The following SYDE1 variants were observed in gnomAD, a reference collection of about 807,000 sequenced individuals.
SYDE1 encodes rho GTPase-activating protein SYDE1.
Under a neutral mutation model 63.3 loss-of-function variants are expected in SYDE1, and 34 were observed. That is an observed-to-expected ratio of 0.54 (90% CI 0.41 to 0.71). The LOEUF (loss-of-function observed/expected upper bound fraction) is 0.71, where lower values mean the gene tolerates loss of function less well. Among genes scored for constraint, SYDE1 ranks in the 30% least tolerant of loss-of-function variants. The pLI is 0.00. For missense variants in SYDE1, 925 were observed against 1,042.5 expected (o/e 0.89, Z 1.55); for synonymous variants, 467 against 473.4 (o/e 0.99, Z 0.18).
intron 7 of SYDE1, 85 bp downstream of exon 7, chr19:15,112,656 G>A (rs2046353142): frequency 8.4e-7 from 1 of 1,194,236 alleles, no homozygotes; most frequent in Non-Finnish European, 1.2e-6. Context: ...CAGTGTCTTA[G>A]GCTTGAAGCT....
In SYDE1 at chr19:15,114,052, G is replaced by C; in HGVS notation, c.*89G>C. On this transcript the variant is annotated 3_prime_UTR_variant, in exon 8 of 8. Coordinates refer to ENST00000342784, the MANE Select transcript of SYDE1 (RefSeq NM_033025.6). ...CTGGTGACCAAGGAGAGCCAGACCT[G>C]TTGCTCAGGCCGAGCTCCTGGTTGC... The C allele has an allele frequency of 2.9e-6, 4 of 1,369,642 alleles. No homozygotes were observed. Among genetic ancestry groups the C allele is most frequent in the Admixed American group, 2.1e-5 (1 of 48,530 alleles). The allele number at this position is 1,369,642 out of a possible 1,614,324, so 84.8% of individuals were successfully genotyped here.
In SYDE1 at chr19:15,110,717, C is replaced by T. The variant is rs758566527; in HGVS notation, c.1272C>T (p.Ile424=). ...TCATCCAGAAGTGCGTTGGGCAGAT[C>T]GAGCGCCGAGGGCTGCGGGTGAGCA... ...PLIIQKCVGQ[I]ERRGLRVVGL... is the part of the protein sequence containing the mutation. Residue 424 remains isoleucine (I), a synonymous_variant, in exon 4 of 8, where the codon ATC becomes ATT. Coordinates refer to ENST00000342784, the MANE Select transcript of SYDE1 (RefSeq NM_033025.6). The surrounding 1 kb of genome is among the most constrained non-coding windows in gnomAD (Gnocchi z 6.9). The T allele has an allele frequency of 8.3e-6, 13 of 1,564,442 alleles. No individual in the cohort carries two copies. In the South Asian group the frequency reaches 1.4e-4, roughly 17 times the overall value.
intron 7 of SYDE1, among the ~76,000 whole-genome samples, chr19:15,113,110 G>A (rs1033681571): frequency 6.6e-6 from 1 of 152,088 alleles, no homozygotes; most frequent in African/African-American, 2.4e-5. Flanking sequence ...CACTGTGTTG[G>A]CCAGGCTGGT....
Position 15,109,942 on chromosome 19 carries a change from G to C in SYDE1, c.669G>C (p.Arg223=), listed in dbSNP as rs889821150. The C allele has an allele frequency of 4.8e-6, 7 of 1,460,950 alleles. No homozygotes were observed. Among genetic ancestry groups the C allele is most frequent in the Non-Finnish European group, 4.5e-6 (5 of 1,114,618 alleles). The allele number at this position is 1,460,950 out of a possible 1,614,324, so 90.5% of individuals were successfully genotyped here. A position where few individuals can be genotyped will look rare whatever the true frequency, so the allele number is the denominator to read the frequency against. ...PGPAAGPGGT[R]SPRAGYLSDG... ...CGGCAGCAGGGCCTGGGGGCACCCG[G>C]AGCCCGAGGGCCGGTTACCTCAGCG... The change falls in exon 3 of 8, where the codon CGG becomes CGC. Residue 223 remains arginine (R), a synonymous_variant. Transcript: ENST00000342784. This position sits in a 1 kb window ranked among gnomAD's most constrained non-coding sequence, Gnocchi z 5.0.
Position 15,110,291 on chromosome 19 carries a change from G to A in SYDE1, c.1018G>A (p.Val340Met), listed in dbSNP as rs1161415846. The A allele has an allele frequency of 2.8e-6, 4 of 1,418,478 alleles. No homozygotes were observed. Among genetic ancestry groups the A allele is most frequent in the Non-Finnish European group, 2.8e-6 (3 of 1,088,604 alleles). 87.9% of individuals were successfully genotyped at this position (1,418,478 alleles called of 1,614,324 possible). Residue 340 changes from valine to methionine, a missense_variant, in exon 3 of 8, where the codon GTG becomes ATG. By Grantham distance (21) the Val-to-Met change is conservative (BLOSUM62 1). Around this residue, in one of 3 missense-constraint regions of SYDE1, gnomAD observed 599 missense variants for 653.7 expected, o/e 0.92. Coordinates refer to ENST00000342784, the MANE Select transcript of SYDE1 (RefSeq NM_033025.6). The surrounding 1 kb of genome is among the most constrained non-coding windows in gnomAD (Gnocchi z 6.9). Reference sequence around the variant, plus strand: ...CCTGGTGCTTGCGTGGGACCCTGGCGTGAGAAGGCACCGGCCCTGTGCCCA... The same window carrying A: ...CCTGGTGCTTGCGTGGGACCCTGGCATGAGAAGGCACCGGCCCTGTGCCCA... ...RALVLAWDPG[V>M]RRHRPCAQGT... is the part of the protein sequence containing the mutation.
rs1308307059 is a variant in SYDE1, at chr19:15,110,055, C to G, written c.782C>G (p.Pro261Arg). Residue 261 changes from proline (P) to arginine (R), a missense_variant, in exon 3 of 8, where the codon CCG becomes CGG. By Grantham distance (103) the Pro-to-Arg change is moderately radical. This residue lies in a region of SYDE1 where 599 missense variants were observed against 653.7 expected (regional missense o/e 0.92). Transcript: ENST00000342784. This position sits in a 1 kb window ranked among gnomAD's most constrained non-coding sequence, Gnocchi z 6.9. The stretch of plus-strand genomic sequence containing the variant: ...GTGGGTCCCGCAGCCCGGGCACCCC[C>G]GGCCGCACTCTGGGGCCGCCTCAGC... Reference protein sequence around the residue: ...YEVGPAARAPPAALWGRLSLH... With the variant: ...YEVGPAARAPRAALWGRLSLH... 3 of 1,498,600 alleles carry G rather than the reference C, an allele frequency of 2.0e-6. No homozygotes were observed. The highest frequency in any genetic ancestry group is 5.3e-5 in the East Asian group (2 of 37,452). 92.8% of individuals were successfully genotyped at this position (1,498,600 alleles called of 1,614,324 possible).
Position 15,108,166 on chromosome 19 carries a change from AGAG to A in SYDE1, c.88+652_88+654del, listed in dbSNP as rs1375693146. Among the ~76,000 whole-genome samples the A allele has an allele frequency of 1.3e-5, 2 of 152,162 alleles. No homozygotes were observed. Among genetic ancestry groups the A allele is most frequent in the Non-Finnish European group, 2.9e-5 (2 of 68,012 alleles). On this transcript the variant is annotated intron_variant, in intron 1 of 7. Coordinates refer to ENST00000342784, the MANE Select transcript of SYDE1 (RefSeq NM_033025.6). The surrounding 1 kb of genome is among the most constrained non-coding windows in gnomAD (Gnocchi z 4.3). ...TAGAGGGTGGACATCAGAGGTGGCC[AGAG>A]GAGGAGTTCAGCAGGGTAGCAAGTA...
chr19:15,109,655 C>A lies in SYDE1; in HGVS notation c.431-49C>A. The A allele has an allele frequency of 8.4e-7, 1 of 1,193,750 alleles. No individual in the cohort carries two copies. Among genetic ancestry groups the A allele is most frequent in the Non-Finnish European group, 1.1e-6 (1 of 875,552 alleles). The allele number at this position is 1,193,750 out of a possible 1,614,324, so 73.9% of individuals were successfully genotyped here. A position where few individuals can be genotyped will look rare whatever the true frequency, so the allele number is the denominator to read the frequency against. On this transcript the variant is annotated intron_variant, in intron 2 of 7. Coordinates refer to ENST00000342784, the MANE Select transcript of SYDE1 (RefSeq NM_033025.6). This position sits in a 1 kb window ranked among gnomAD's most constrained non-coding sequence, Gnocchi z 5.0. ...TTCAGGGGAGCACCAGCCTCACCCCCCTCCCCTAAGCCCAGGTTCCTGGAC... is the reference window on the plus strand; with the variant it reads ...TTCAGGGGAGCACCAGCCTCACCCCACTCCCCTAAGCCCAGGTTCCTGGAC...
In SYDE1 at chr19:15,109,331, C is replaced by A; in HGVS notation, c.364C>A (p.Pro122Thr). Residue 122 changes from proline (P) to threonine (T), a missense_variant, in exon 2 of 8, where the codon CCT (proline) becomes ACT (threonine). Coordinates refer to ENST00000342784, the MANE Select transcript of SYDE1 (RefSeq NM_033025.6). This position sits in a 1 kb window ranked among gnomAD's most constrained non-coding sequence, Gnocchi z 5.0. The stretch of plus-strand genomic sequence containing the variant: ...CCCCATCCCTGAGGAAGACCCCAGA[C>A]CTCCAGCACCTGAGCCCCCGGGGCC... Reference protein sequence around the residue: ...YNPIPEEDPRPPAPEPPGPQP... With the variant: ...YNPIPEEDPRTPAPEPPGPQP... The A allele has an allele frequency of 1.2e-6, 2 of 1,605,886 alleles. No homozygotes were observed. The highest frequency in any genetic ancestry group is 1.7e-6 in the Non-Finnish European group (2 of 1,175,230).
At position 15,111,169 on chromosome 19, in the gene SYDE1, A is replaced by T. The variant is rs1232935954; in HGVS notation, c.1291-144A>T. ...AAGTAGTCCAAGCAGAGGGTTTACA[A>T]GGCCAGGTTGTCAAGGTAGTTCCAA... is the stretch of plus-strand genomic sequence containing the variant. On this transcript the variant is annotated intron_variant, in intron 4 of 7. Coordinates refer to ENST00000342784, the MANE Select transcript of SYDE1 (RefSeq NM_033025.6). This position sits in a 1 kb window ranked among gnomAD's most constrained non-coding sequence, Gnocchi z 5.5. 5 of 835,930 alleles carry T rather than the reference A, an allele frequency of 6.0e-6. No homozygotes were observed. The highest frequency in any genetic ancestry group is 7.5e-6 in the Non-Finnish European group (4 of 530,096). The allele number at this position is 835,930 out of a possible 1,614,324, so 51.8% of individuals were successfully genotyped here. A position where few individuals can be genotyped will look rare whatever the true frequency, so the allele number is the denominator to read the frequency against.
chr19:15,107,576 C>G lies in SYDE1; in HGVS notation c.88+55C>G, dbSNP rs905388808. 13 of 1,350,132 alleles carry G rather than the reference C, an allele frequency of 9.6e-6. No individual in the cohort carries two copies. In the Admixed American group the frequency reaches 2.6e-4, roughly 27 times the overall value. 83.6% of individuals were successfully genotyped at this position (1,350,132 alleles called of 1,614,324 possible). On this transcript the variant is annotated intron_variant, in intron 1 of 7. Coordinates refer to ENST00000342784, the MANE Select transcript of SYDE1 (RefSeq NM_033025.6). ...CGCCGAGCCCCACCCGGCCTGGGAG[C>G]GGGGTCCCAGGGCCCCGAGGACAGA...
At position 15,109,651 on chromosome 19, in the gene SYDE1, C is replaced by T; in HGVS notation, c.431-53C>T. ...TCCCTTCAGGGGAGCACCAGCCTCACCCCCCTCCCCTAAGCCCAGGTTCCT... is the reference window on the plus strand; with the variant it reads ...TCCCTTCAGGGGAGCACCAGCCTCATCCCCCTCCCCTAAGCCCAGGTTCCT... On this transcript the variant is annotated intron_variant, in intron 2 of 7. Coordinates refer to ENST00000342784, the MANE Select transcript of SYDE1 (RefSeq NM_033025.6). The surrounding 1 kb of genome is among the most constrained non-coding windows in gnomAD (Gnocchi z 5.0). The T allele has an allele frequency of 8.9e-7, 1 of 1,124,498 alleles. No homozygotes were observed. Among genetic ancestry groups the T allele is most frequent in the South Asian group, 1.6e-5 (1 of 61,396 alleles). The allele number at this position is 1,124,498 out of a possible 1,614,324, so 69.7% of individuals were successfully genotyped here.
Position 15,109,200 on chromosome 19 carries a change from C to A in SYDE1, c.233C>A (p.Pro78His). ...ARGAYLQSLE[P>H]SSRRWVLGGA... ...GGAGCCTACCTGCAAAGCCTGGAGCCCAGTAGCCGCCGATGGGTGCTGGGT... is the reference window on the plus strand; with the variant it reads ...GGAGCCTACCTGCAAAGCCTGGAGCACAGTAGCCGCCGATGGGTGCTGGGT... Residue 78 changes from proline to histidine, a missense_variant, in exon 2 of 8, where the codon CCC becomes CAC. Coordinates refer to ENST00000342784, the MANE Select transcript of SYDE1 (RefSeq NM_033025.6). This position sits in a 1 kb window ranked among gnomAD's most constrained non-coding sequence, Gnocchi z 5.0. 1 of 1,564,492 alleles carries A rather than the reference C, an allele frequency of 6.4e-7. No individual in the cohort carries two copies. The highest frequency in any genetic ancestry group is 1.4e-5 in the African/African-American group (1 of 74,018).
chr19:15,108,004 G>C lies in SYDE1; in HGVS notation c.88+483G>C, dbSNP rs984953523. Reference sequence around the variant, plus strand: ...CCGCCTCCCACCTACTAACAGTGACGGCAACTGCGCCTGCCTTAGCCCCAG... The same window carrying C: ...CCGCCTCCCACCTACTAACAGTGACCGCAACTGCGCCTGCCTTAGCCCCAG... On this transcript the variant is annotated intron_variant, in intron 1 of 7. Coordinates refer to ENST00000342784, the MANE Select transcript of SYDE1 (RefSeq NM_033025.6). The surrounding 1 kb of genome is among the most constrained non-coding windows in gnomAD (Gnocchi z 4.3). Among the ~76,000 whole-genome samples, 1 of 152,150 alleles carries C rather than the reference G, an allele frequency of 6.6e-6. No homozygotes were observed. Among genetic ancestry groups the C allele is most frequent in the South Asian group, 2.1e-4 (1 of 4,834 alleles).
In SYDE1 at chr19:15,110,407, C is replaced by T. The variant is rs2046337159; in HGVS notation, c.1075+59C>T. ...GGACCCCCAAACCCCACCGCCACCC[C>T]CCGCAGAGTGCCTAGGGGGCTGGGC... On this transcript the variant is annotated intron_variant, in intron 3 of 7. Transcript: ENST00000342784. This position sits in a 1 kb window ranked among gnomAD's most constrained non-coding sequence, Gnocchi z 6.9. The T allele has an allele frequency of 2.1e-6, 3 of 1,452,652 alleles. No homozygotes were observed. The highest frequency in any genetic ancestry group is 4.9e-5 in the Admixed American group (2 of 40,964). 90.0% of individuals were successfully genotyped at this position (1,452,652 alleles called of 1,614,324 possible). A position where few individuals can be genotyped will look rare whatever the true frequency, so the allele number is the denominator to read the frequency against.
chr19:15,111,579 C>CT lies in SYDE1; in HGVS notation c.1418-51dup. 6.2e-7 allele frequency: 1 copy of CT among 1,609,940 alleles called. No homozygotes were observed. The highest frequency in any genetic ancestry group is 8.5e-7 in the Non-Finnish European group (1 of 1,177,898). ...CCTCTTCCCCCTTAGCTGTGCCCTC[C>CT]TTAGCCTTAGAAGCCAGTGGTGCCC... On this transcript the variant is annotated intron_variant, in intron 5 of 7. Coordinates refer to ENST00000342784, the MANE Select transcript of SYDE1 (RefSeq NM_033025.6). This position sits in a 1 kb window ranked among gnomAD's most constrained non-coding sequence, Gnocchi z 5.5.
In SYDE1 at chr19:15,113,681, C is replaced by A. The variant is rs1199001929; in HGVS notation, c.1926C>A (p.Gly642=). 6.2e-7 allele frequency: 1 copy of A among 1,613,258 alleles called. No individual in the cohort carries two copies. The change falls in exon 8 of 8, where the codon GGC becomes GGA. Residue 642 remains glycine (G), a synonymous_variant. Coordinates refer to ENST00000342784, the MANE Select transcript of SYDE1 (RefSeq NM_033025.6). The stretch of plus-strand genomic sequence containing the variant: ...TGACTCGGCCCCGCGGTCGAGGAGG[C>A]CCCGAAAGCCCCCCGAGCAACCGCT... ...EVVTRPRGRG[G]PESPPSNRYA...
Position 15,113,943 on chromosome 19 carries a change from C to A in SYDE1, c.2188C>A (p.Gln730Lys). 2 of 1,612,698 alleles carry A rather than the reference C, an allele frequency of 1.2e-6. No homozygotes were observed. Among genetic ancestry groups the A allele is most frequent in the Non-Finnish European group, 1.7e-6 (2 of 1,179,090 alleles). ...ILDLERELSK[Q>K]INVCL Reference sequence around the variant, plus strand: ...GGATCTGGAGAGAGAGCTCTCCAAGCAAATCAACGTGTGCCTCTGAGCCAG... The same window carrying A: ...GGATCTGGAGAGAGAGCTCTCCAAGAAAATCAACGTGTGCCTCTGAGCCAG... Residue 730 changes from glutamine to lysine, a missense_variant, in exon 8 of 8, where the codon CAA (glutamine) becomes AAA (lysine). By Grantham distance (53) the Gln-to-Lys change is moderately conservative (BLOSUM62 1). This residue lies in a region of SYDE1 where 255 missense variants were observed against 255.9 expected (regional missense o/e 1.00). Coordinates refer to ENST00000342784, the MANE Select transcript of SYDE1 (RefSeq NM_033025.6).
rs201230588 is a variant in SYDE1, at chr19:15,107,457, A to C, written c.24A>C (p.Lys8Asn). Residue 8 changes from lysine to asparagine, a missense_variant, in exon 1 of 8, where the codon AAA (lysine) becomes AAC (asparagine). Around this residue, in one of 3 missense-constraint regions of SYDE1, gnomAD observed 599 missense variants for 653.7 expected, o/e 0.92. Transcript: ENST00000342784. MAEPLLR[K>N]TFSRLRGREK... Reference sequence around the variant, plus strand: ...GCATGGCCGAGCCGCTACTCAGGAAAACCTTCTCCCGCCTGCGGGGCCGGG... The same window carrying C: ...GCATGGCCGAGCCGCTACTCAGGAACACCTTCTCCCGCCTGCGGGGCCGGG... The C allele has an allele frequency of 3.4e-5, 51 of 1,510,960 alleles. 1 individual carries two copies. Among genetic ancestry groups the C allele is most frequent in the Non-Finnish European group, 3.6e-6 (4 of 1,121,998 alleles). 93.6% of individuals were successfully genotyped at this position (1,510,960 alleles called of 1,614,324 possible).
Sources: gnomAD v4.1 joint callset for allele counts (sites outside exome capture counted in the v4.1 genomes callset) on GRCh38, gnomAD v4.1.1 for gene constraint, gnomAD v4.1.1 regional missense constraint, Gnocchi (gnomAD v3.1) non-coding constraint, MANE v1.5 for transcripts, NCBI Gene and HGNC (gene_info 2026-07-23, HGNC 2026-07-21) for gene names.